The following PCSK6 variants were observed in gnomAD, a reference collection of about 807,000 sequenced individuals.
The protein encoded by PCSK6 is paired basic amino acid cleaving enzyme 4.
In PCSK6, 85 loss-of-function variants were observed where a neutral mutation model predicts 123.3. That is an observed-to-expected ratio of 0.69 (90% CI 0.58 to 0.83). The LOEUF (loss-of-function observed/expected upper bound fraction) is 0.83. Ranked by LOEUF, PCSK6 falls within the 40% of genes least tolerant of loss-of-function variation. PCSK6 has a pLI of 0.00. For synonymous variants in PCSK6, 508 were observed against 516.0 expected (o/e 0.98, Z 0.21); for missense variants, 1,191 against 1,282.3 (o/e 0.93, Z 1.09).
At chr15:101,448,144 G>A (rs964611887) in intron 1 of PCSK6, among the ~76,000 whole-genome samples, 11 of 152,178 alleles carry the variant, frequency 7.2e-5, no homozygotes, top group East Asian at 1.9e-4. Context: ...ATTAGAGCCC[G>A]TCTCATGCAC....
chr15:101,380,766 G>C (rs997264300), intron 11 of PCSK6, among the ~76,000 whole-genome samples: 6 of 152,224 alleles, frequency 3.9e-5, no homozygotes, highest in Admixed American at 2.0e-4. Flanking sequence ...TGTGGCAAGA[G>C]TGTATTACAA....
intron 7 of PCSK6, among the ~76,000 whole-genome samples, chr15:101,397,113 G>A (rs1421583209): frequency 1.3e-5 from 2 of 152,160 alleles, no homozygotes; most frequent in Admixed American, 1.3e-4. Flanking sequence ...AAGGTAAGAA[G>A]TGGAGGAAAC....
intron 21 of PCSK6, among the ~76,000 whole-genome samples, 151 bp downstream of exon 21, chr15:101,307,060 TAG>T (rs2039738592): frequency 6.6e-6 from 1 of 152,176 alleles, no homozygotes. Flanking sequence ...CCATATCAGC[TAG>T]AGGAATCCCA....
intron 5 of PCSK6, among the ~76,000 whole-genome samples, chr15:101,428,818 C>T (rs1228558107): frequency 6.6e-6 from 1 of 152,222 alleles, no homozygotes; most frequent in Non-Finnish European, 1.5e-5. Context: ...AGCTTCAAGG[C>T]CAGGGCTGTT....
At chr15:101,429,947 A>G (rs914249337) in intron 5 of PCSK6, 40 bp downstream of exon 5, 1 of 1,496,014 alleles carries the variant, frequency 6.7e-7, no homozygotes, top group African/African-American at 1.4e-5. Flanking sequence ...CGCTGCAGGG[A>G]GGGGAAGAGA....
intron 7 of PCSK6, among the ~76,000 whole-genome samples, chr15:101,394,162 CA>C (rs2042329925): frequency 3.9e-5 from 5 of 128,968 alleles, no homozygotes; most frequent in Admixed American, 1.7e-4. Context: ...TTTTTTGAGA[CA>C]GGGGTCTTGC....
intron 6 of PCSK6, among the ~76,000 whole-genome samples, chr15:101,402,748 A>G (rs1243236104): frequency 3.9e-5 from 6 of 152,344 alleles, no homozygotes; most frequent in Admixed American, 6.5e-5. Flanking sequence ...TTAGAATGGC[A>G]ATCATTAAAA....
At chr15:101,382,879 TACC>T (rs1213340071) in intron 10 of PCSK6, among the ~76,000 whole-genome samples, 1 of 152,106 alleles carries the variant, frequency 6.6e-6, no homozygotes, top group African/African-American at 2.4e-5. Flanking sequence ...AGTACACCAC[TACC>T]ACCGACATTC....
chr15:101,406,898 G>A (rs1487841930), intron 6 of PCSK6, among the ~76,000 whole-genome samples: 3 of 152,204 alleles, frequency 2.0e-5, no homozygotes, highest in Non-Finnish European at 2.9e-5. Flanking sequence ...CTCCTTATGG[G>A]CATGTCCTGC....
In PCSK6 at chr15:101,305,407, C is replaced by G; in HGVS notation, c.2813-52G>C. The G allele has an allele frequency of 6.7e-7, 1 of 1,485,198 alleles. No individual in the cohort carries two copies. Among genetic ancestry groups the G allele is most frequent in the African/African-American group, 1.4e-5 (1 of 72,532 alleles). The allele number at this position is 1,485,198 out of a possible 1,614,324, so 92.0% of individuals were successfully genotyped here. ...AAGAGGGAAAGGTCAGTCTTCGGTGCCTGTGAAGATTGTTTCAAGGCCGGG... is the reference window on the plus strand; with the variant it reads ...AAGAGGGAAAGGTCAGTCTTCGGTGGCTGTGAAGATTGTTTCAAGGCCGGG... On this transcript the variant is annotated intron_variant, in intron 21 of 21. Coordinates refer to ENST00000611716, the MANE Select transcript of PCSK6 (RefSeq NM_002570.5). This position sits in a 1 kb window ranked among gnomAD's most constrained non-coding sequence, Gnocchi z 4.8.
chr15:101,369,942 T>C (rs1216810936), intron 12 of PCSK6, among the ~76,000 whole-genome samples: 1 of 152,178 alleles, frequency 6.6e-6, no homozygotes. Flanking sequence ...CAAACAGTGC[T>C]CCCTGTGGTA....
chr15:101,418,686 T>C (rs1055073579), intron 6 of PCSK6, among the ~76,000 whole-genome samples: 1 of 152,104 alleles, frequency 6.6e-6, no homozygotes, highest in Non-Finnish European at 1.5e-5. Context: ...CTAATTTTTG[T>C]ATTTTTAGTA....
In PCSK6 at chr15:101,331,725, C is replaced by T. The variant is rs755337965; in HGVS notation, c.2039-36G>A. 3.2e-6 allele frequency: 5 copies of T among 1,549,576 alleles called. No individual in the cohort carries two copies. In the Middle Eastern group the frequency reaches 5.0e-4, roughly 156 times the overall value. On this transcript the variant is annotated intron_variant, in intron 14 of 21. Coordinates refer to ENST00000611716, the MANE Select transcript of PCSK6 (RefSeq NM_002570.5). ...GCAAATTGCCATGATTATTATGACT[C>T]CCAGGCAAGAGAGACACACAACCAT...
chr15:101,441,469 A>G (rs1245673552), intron 2 of PCSK6, among the ~76,000 whole-genome samples: 1 of 151,998 alleles, frequency 6.6e-6, no homozygotes, highest in Non-Finnish European at 1.5e-5. Context: ...GCAGCTCTGC[A>G]TTACTCAGGC....
chr15:101,389,517 G>C lies in PCSK6; in HGVS notation c.1257C>G (p.Thr419=), dbSNP rs2141536840. ...RQRCTDGHTG[T]SVSAPMVAGI... ...CCGCCACCATGGGGGCAGAGACTGA[G>C]GTCCCAGTGTGGCCATCGGTACAGC... Residue 419 remains threonine (T), a synonymous_variant, in exon 9 of 22, where the codon ACC becomes ACG. Coordinates refer to ENST00000611716, the MANE Select transcript of PCSK6 (RefSeq NM_002570.5). 3 of 1,613,660 alleles carry C rather than the reference G, an allele frequency of 1.9e-6. No individual in the cohort carries two copies. The highest frequency in any genetic ancestry group is 2.5e-6 in the Non-Finnish European group (3 of 1,179,710).
chr15:101,464,217 G>A (rs756818640), intron 1 of PCSK6, among the ~76,000 whole-genome samples: 7 of 152,130 alleles, frequency 4.6e-5, no homozygotes, highest in South Asian at 2.1e-4. Context: ...CACATCCTGC[G>A]CCACCTGGGC....
chr15:101,415,364 T>A (rs1229664549), intron 6 of PCSK6, among the ~76,000 whole-genome samples: 10 of 152,250 alleles, frequency 6.6e-5, no homozygotes, highest in Non-Finnish European at 1.3e-4. Flanking sequence ...GGAGCAATCG[T>A]AGCCGACTGT....
chr15:101,406,603 C>T lies in PCSK6; in HGVS notation c.824-8027G>A, dbSNP rs115674825. 8.1e-3 allele frequency among the ~76,000 whole-genome samples: 1,234 copies of T among 152,230 alleles called. 14 individuals are homozygous for T. The highest frequency in any genetic ancestry group is 0.028 in the African/African-American group (1,143 of 41,516). The stretch of plus-strand genomic sequence containing the variant: ...AACAGTTACTTAGAAATGCTACAAT[C>T]CTAAAAGGTTTCTGTCAACCCTCAT... On this transcript the variant is annotated intron_variant, in intron 6 of 21. Transcript: ENST00000611716.
intron 6 of PCSK6, among the ~76,000 whole-genome samples, chr15:101,403,032 CAAT>C (rs1328665399): frequency 2.6e-5 from 4 of 151,968 alleles, no homozygotes; most frequent in Admixed American, 1.3e-4. Context: ...AAATGTCCAA[CAAT>C]GATAGACTGG....
Sources: allele counts gnomAD v4.1 joint callset (sites outside exome capture counted in the v4.1 genomes callset), GRCh38; gene constraint gnomAD v4.1.1; non-coding constraint Gnocchi (gnomAD v3.1); transcripts MANE v1.5; gene names NCBI Gene and HGNC (gene_info 2026-07-23, HGNC 2026-07-21).